MALRD1: variants seen among roughly 807,000 people sequenced by gnomAD.
MALRD1 encodes the protein MAM and LDL receptor class A domain containing 1, also known as MAM and LDL-receptor class A domain-containing protein 1.
Under a neutral mutation model 242.1 loss-of-function variants are expected in MALRD1, and 247 were observed. The ratio of observed to expected loss-of-function variants is 1.02; its 90% CI spans 0.92 to 1.13. The LOEUF (loss-of-function observed/expected upper bound fraction) is 1.13. Ranked by LOEUF, MALRD1 falls within the 50% of genes most tolerant of loss-of-function variation. MALRD1 has a pLI of 0.00. For missense variants in MALRD1, 2,989 were observed against 2,533.1 expected, an observed-to-expected ratio of 1.18 and a Z score of -3.86; for synonymous variants, 995 against 866.6, an observed-to-expected ratio of 1.15 and a Z score of -2.60.
At chr10:19,454,427 T>TATATATATATATATATATATAC (rs1835518565) in intron 29 of MALRD1, among the ~76,000 whole-genome samples, 1 of 138,768 alleles carries the variant, frequency 7.2e-6, no homozygotes, top group African/African-American at 2.6e-5. Flanking sequence ...TATATATATA[T>TATATATATATATATATATATAC]ATATAATTAT....
At chr10:19,649,042 C>T (rs1246127285) in intron 36 of MALRD1, among the ~76,000 whole-genome samples, 1 of 152,176 alleles carries the variant, frequency 6.6e-6, no homozygotes, top group Non-Finnish European at 1.5e-5. Flanking sequence ...CCTCCAGCTC[C>T]ATCCACGATC....
intron 29 of MALRD1, among the ~76,000 whole-genome samples, chr10:19,455,978 C>T (rs1835627394): frequency 6.6e-6 from 1 of 152,138 alleles, no homozygotes; most frequent in South Asian, 2.1e-4. Flanking sequence ...GTGAACTGCT[C>T]AGAGACACTG....
chr10:19,678,651 C>G (rs7085671), intron 36 of MALRD1, among the ~76,000 whole-genome samples: 93,805 of 151,980 alleles, frequency 0.62, 29,522 homozygotes, highest in African/African-American at 0.76. Flanking sequence ...TCTTTCTCTT[C>G]TCTGATTGCC....
intron 38 of MALRD1, among the ~76,000 whole-genome samples, chr10:19,706,641 C>T (rs1193707187): frequency 1.3e-5 from 2 of 152,024 alleles, no homozygotes; most frequent in African/African-American, 4.8e-5. Context: ...TATGAGCCAC[C>T]ACCTGTAATT....
chr10:19,699,114 C>T (rs984758262), intron 38 of MALRD1, among the ~76,000 whole-genome samples: 8 of 151,858 alleles, frequency 5.3e-5, no homozygotes, highest in East Asian at 1.9e-4. Flanking sequence ...ACCTAGATGA[C>T]GGGTTGATGG....
intron 2 of MALRD1, among the ~76,000 whole-genome samples, chr10:19,082,069 A>G (rs1310890775): frequency 6.6e-6 from 1 of 151,760 alleles, no homozygotes; most frequent in Non-Finnish European, 1.5e-5. Flanking sequence ...TGTTTTCTGT[A>G]TGACTTATTT....
intron 14 of MALRD1, among the ~76,000 whole-genome samples, chr10:19,200,562 C>G (rs1187162688): frequency 6.6e-6 from 1 of 150,894 alleles, no homozygotes; most frequent in South Asian, 2.1e-4. Context: ...TCATACTGAA[C>G]CATCAGAGAA....
At chr10:19,305,727 G>A in intron 21 of MALRD1, among the ~76,000 whole-genome samples, 1 of 146,670 alleles carries the variant, frequency 6.8e-6, no homozygotes, top group East Asian at 2.0e-4. Flanking sequence ...GGGTAAATTA[G>A]CATTCAACCA....
intron 36 of MALRD1, among the ~76,000 whole-genome samples, chr10:19,647,731 T>G (rs1434490670): frequency 6.6e-6 from 1 of 152,186 alleles, no homozygotes; most frequent in Non-Finnish European, 1.5e-5. Context: ...ATAGACTAAA[T>G]GAAGTCATTA....
chr10:19,210,127 A>G (rs1303150885), intron 18 of MALRD1, among the ~76,000 whole-genome samples: 3 of 152,226 alleles, frequency 2.0e-5, no homozygotes, highest in Non-Finnish European at 2.9e-5. Context: ...AGGAAGAGCT[A>G]GAGTTTGAAT....
At chr10:19,219,300 A>T (rs115044047) in intron 18 of MALRD1, among the ~76,000 whole-genome samples, 1,691 of 152,282 alleles carry the variant, frequency 0.011, 32 homozygotes, top group African/African-American at 0.039. Flanking sequence ...AAAACATACT[A>T]TACTAATGCA....
chr10:19,470,857 T>A (rs969576090), intron 29 of MALRD1, among the ~76,000 whole-genome samples: 1 of 151,928 alleles, frequency 6.6e-6, no homozygotes, highest in Non-Finnish European at 1.5e-5. Context: ...TCACAAATAT[T>A]TTCTCCTAAT....
At chr10:19,570,613 G>A (rs186569799) in intron 33 of MALRD1, among the ~76,000 whole-genome samples, 111 of 152,038 alleles carry the variant, frequency 7.3e-4, no homozygotes, top group Middle Eastern at 3.4e-3. Context: ...GCCAATATGC[G>A]TAATATATTG....
chr10:19,357,054 G>T (rs959621086), intron 26 of MALRD1, among the ~76,000 whole-genome samples: 26 of 151,432 alleles, frequency 1.7e-4, no homozygotes, highest in African/African-American at 6.1e-4. Context: ...AGGTTGCAGT[G>T]AGCTGAGATC....
At chr10:19,477,810 A>G (rs959936126) in intron 29 of MALRD1, among the ~76,000 whole-genome samples, 1 of 152,176 alleles carries the variant, frequency 6.6e-6, no homozygotes, top group African/African-American at 2.4e-5. Context: ...GCACATGAAG[A>G]AGCTGGTCAT....
At chr10:19,183,572 T>G (rs1490357194) in intron 14 of MALRD1, among the ~76,000 whole-genome samples, 2 of 152,210 alleles carry the variant, frequency 1.3e-5, no homozygotes, top group Admixed American at 6.5e-5. Context: ...TTCACAACCA[T>G]CTTTAACACA....
At chr10:19,572,215 G>T (rs74122010) in intron 33 of MALRD1, among the ~76,000 whole-genome samples, 2,050 of 152,248 alleles carry the variant, frequency 0.013, 37 homozygotes, top group African/African-American at 0.047. Context: ...GAAATAGAGC[G>T]TCTCCAGAAA....
intron 22 of MALRD1, among the ~76,000 whole-genome samples, chr10:19,326,063 G>A (rs573930389): frequency 1.6e-4 from 24 of 151,952 alleles, no homozygotes; most frequent in African/African-American, 3.6e-4. Context: ...GTGAGACTTC[G>A]TTCTGAAAAC....
chr10:19,242,556 T>C (rs2131749320), intron 18 of MALRD1, among the ~76,000 whole-genome samples: 1 of 152,292 alleles, frequency 6.6e-6, no homozygotes, highest in African/African-American at 2.4e-5. Context: ...AGTCTATCTC[T>C]ACCTTTAAAT....
Sources: allele counts gnomAD v4.1 joint callset (sites outside exome capture counted in the v4.1 genomes callset), GRCh38; gene constraint gnomAD v4.1.1; transcripts MANE v1.5; gene names NCBI Gene and HGNC (gene_info 2026-07-23, HGNC 2026-07-21).